The following ERI1 variants were observed in gnomAD, a reference collection of about 807,000 sequenced individuals.
ERI1 encodes 3'-5' exoribonuclease 1.
ERI1 carries 39 observed loss-of-function variants against 39.7 expected under a neutral mutation model. The observed-to-expected ratio is 0.98, with a 90% CI of 0.76 to 1.28. The LOEUF is 1.28. Ranked by LOEUF, ERI1 falls within the 50% of genes most tolerant of loss-of-function variation. The pLI, the probability that ERI1 is intolerant of heterozygous loss-of-function variation, is 0.00. For synonymous variants in ERI1, 204 were observed against 149.6 expected, an observed-to-expected ratio of 1.36 and a Z score of -2.65; for missense variants, 581 against 416.9, an observed-to-expected ratio of 1.39 and a Z score of -3.43.
chr8:9,064,872 C>T (rs867204821), intron 3 of ERI1, among the ~76,000 whole-genome samples: 4 of 152,034 alleles, frequency 2.6e-5, no homozygotes, highest in East Asian at 3.9e-4. Context: ...TGGGTGCAAG[C>T]GGGCTGAGTC....
chr8:9,068,930 C>T (rs922002921), intron 3 of ERI1, among the ~76,000 whole-genome samples: 3 of 152,130 alleles, frequency 2.0e-5, no homozygotes, highest in African/African-American at 7.2e-5. Flanking sequence ...AATCCTCTTG[C>T]CTCAGCCCTC....
At chr8:9,014,995 G>T (rs140289841) in intron 3 of ERI1, among the ~76,000 whole-genome samples, 50 of 152,056 alleles carry the variant, frequency 3.3e-4, no homozygotes, top group African/African-American at 9.9e-4. Context: ...ATGCCACCTC[G>T]CCCAGCTAAT....
chr8:9,019,467 C>A (rs1817655571), intron 5 of ERI1, among the ~76,000 whole-genome samples: 1 of 152,188 alleles, frequency 6.6e-6, no homozygotes, highest in Non-Finnish European at 1.5e-5. Flanking sequence ...GGTGTTTCTG[C>A]TGTAGTATAG....
At chr8:9,038,878 A>G (rs192039564) in intron 3 of ERI1, among the ~76,000 whole-genome samples, 1 of 152,336 alleles carries the variant, frequency 6.6e-6, no homozygotes, top group Admixed American at 6.5e-5. Context: ...GCTAGAATGA[A>G]AGGGGGTCCA....
chr8:9,012,892 C>T lies in ERI1; in HGVS notation c.498+1140C>T, dbSNP rs1816814893. Reference sequence around the variant, plus strand: ...TTTATCTCTTTCCTTTTCTTCCATTCTCTCAAATTTATACCATAACCTTCA... The same window carrying T: ...TTTATCTCTTTCCTTTTCTTCCATTTTCTCAAATTTATACCATAACCTTCA... On this transcript the variant is annotated intron_variant, in intron 3 of 6. Coordinates refer to ENST00000250263, the MANE Select transcript of ERI1 (RefSeq NM_153332.4). Among the ~76,000 whole-genome samples the T allele has an allele frequency of 1.3e-5, 2 of 150,684 alleles. 1 individual carries two copies. Among genetic ancestry groups the T allele is most frequent in the South Asian group, 4.2e-4 (2 of 4,806 alleles).
intron 3 of ERI1, among the ~76,000 whole-genome samples, chr8:9,076,855 G>C (rs942216021): frequency 3.3e-5 from 5 of 152,356 alleles, no homozygotes; most frequent in Admixed American, 6.5e-5. Context: ...CCACAGGAGA[G>C]CTGCCCCACC....
At position 9,047,700 on chromosome 8, in the gene ERI1, TAAAAAG is replaced by T. The variant is rs961954913; in HGVS notation, n.299+27240_299+27245del. Among the ~76,000 whole-genome samples, 4 of 146,860 alleles carry T rather than the reference TAAAAAG, an allele frequency of 2.7e-5. 1 individual carries two copies. In the South Asian group the frequency reaches 6.6e-4, roughly 24 times the overall value. On this transcript the variant is annotated intron_variant and non_coding_transcript_variant, in intron 3 of 3. Transcript: ENST00000518663. ...GGCAACAGAGAGAGACCCTGTCTCT[TAAAAAG>T]AAAGAAAAGGAGAGTGAAGCCTGCA...
chr8:9,006,095 TA>T (rs1815990143), intron 1 of ERI1, among the ~76,000 whole-genome samples: 1 of 152,362 alleles, frequency 6.6e-6, no homozygotes, highest in East Asian at 1.9e-4. Flanking sequence ...ATGTATTTCG[TA>T]AACTAATTTT....
At chr8:9,035,496 G>C (rs1563346461), downstream of ERI1, among the ~76,000 whole-genome samples, 1 of 152,106 alleles carries the variant, frequency 6.6e-6, no homozygotes, top group Non-Finnish European at 1.5e-5. Flanking sequence ...CTGAATGACA[G>C]CACATCTGTT....
At chr8:9,071,721 C>T (rs1479189323) in intron 3 of ERI1, among the ~76,000 whole-genome samples, 1 of 152,314 alleles carries the variant, frequency 6.6e-6, no homozygotes, top group Non-Finnish European at 1.5e-5. Flanking sequence ...TTCATCACAC[C>T]TTTGGTTTTT....
rs1319265561 is a variant in ERI1, at chr8:9,023,343, G to T, written c.807+2879G>T. ...TGTCAGTTTATACTCCAGTTGAGAA[G>T]CTCGATCCCCTTTAGGTTCTTTTTT... On this transcript the variant is annotated intron_variant, in intron 6 of 6. Transcript: ENST00000250263. 2.6e-5 allele frequency among the ~76,000 whole-genome samples: 4 copies of T among 152,174 alleles called. No homozygotes were observed. In the East Asian group the frequency reaches 5.8e-4, roughly 22 times the overall value.
At chr8:9,070,811 G>T in intron 3 of ERI1, among the ~76,000 whole-genome samples, 1 of 152,216 alleles carries the variant, frequency 6.6e-6, no homozygotes, top group East Asian at 1.9e-4. Flanking sequence ...CATGAACCAC[G>T]TTTGTAACTT....
In ERI1 at chr8:9,061,508, T is replaced by C. The variant is rs866444131; in HGVS notation, n.299+41044T>C. Among the ~76,000 whole-genome samples the C allele has an allele frequency of 3.2e-4, 49 of 152,318 alleles. 1 individual carries two copies. Among genetic ancestry groups the C allele is most frequent in the Middle Eastern group, 6.8e-3 (2 of 294 alleles). On this transcript the variant is annotated intron_variant and non_coding_transcript_variant, in intron 3 of 3. Transcript: ENST00000518663. ...TGATTTTAAAGGTCTCTGAAAGTAT[T>C]AGGGCAGTGGCGGCCGCTGCACGCA...
intron 3 of ERI1, among the ~76,000 whole-genome samples, chr8:9,040,880 G>C (rs1797995984): frequency 6.6e-6 from 1 of 152,124 alleles, no homozygotes; most frequent in Admixed American, 6.6e-5. Flanking sequence ...CAGCCCGCCA[G>C]CACCAAGCCT....
rs781044554 is a variant in ERI1, at chr8:9,002,924, G to A, written c.-140G>A. On this transcript the variant is annotated 5_prime_UTR_variant, in exon 1 of 7. Coordinates refer to ENST00000250263, the MANE Select transcript of ERI1 (RefSeq NM_153332.4). ...ACGCTCCCGGAAGTGGGAGGTGGCC[G>A]CTGGAGTTTGTGTGGCCGCCGCCGC... is the stretch of plus-strand genomic sequence containing the variant. 4.0e-4 allele frequency: 212 copies of A among 536,272 alleles called. No homozygotes were observed. Among genetic ancestry groups the A allele is most frequent in the Admixed American group, 7.9e-4 (18 of 22,702 alleles). 33.2% of individuals were successfully genotyped at this position (536,272 alleles called of 1,614,324 possible).
intron 3 of ERI1, among the ~76,000 whole-genome samples, chr8:9,055,165 G>A (rs750381691): frequency 7.2e-5 from 11 of 152,130 alleles, no homozygotes; most frequent in Non-Finnish European, 1.3e-4. Context: ...TACAGAAAAC[G>A]GAAGTGAGGC....
At chr8:9,029,699 C>A in intron 6 of ERI1, 93 bp from the exon 7 acceptor site, 1 of 1,452,960 alleles carries the variant, frequency 6.9e-7, no homozygotes, top group Admixed American at 1.9e-5. Flanking sequence ...GCTGTTAGTG[C>A]TAATTTTCAG....
intron 3 of ERI1, among the ~76,000 whole-genome samples, chr8:9,046,986 T>G (rs537866471): frequency 3.7e-4 from 56 of 152,266 alleles, no homozygotes; most frequent in Middle Eastern, 3.4e-3. Context: ...GGGCTGAGAT[T>G]TTTTTGACCT....
At chr8:9,050,390 C>T (rs1484320541) in intron 3 of ERI1, among the ~76,000 whole-genome samples, 3 of 152,026 alleles carry the variant, frequency 2.0e-5, no homozygotes, top group East Asian at 3.9e-4. Flanking sequence ...GCCTGTAATT[C>T]CAGCTACTTG....
Sources: allele counts gnomAD v4.1 joint callset (sites outside exome capture counted in the v4.1 genomes callset), GRCh38; gene constraint gnomAD v4.1.1; transcripts MANE v1.5; gene names NCBI Gene and HGNC (gene_info 2026-07-23, HGNC 2026-07-21).